Variants in C1orf105 observed in about 807,000 individuals in gnomAD.
C1orf105 encodes the protein uncharacterized protein C1orf105.
Under a neutral mutation model 20.8 loss-of-function variants are expected in C1orf105, and 17 were observed. The observed-to-expected ratio is 0.82, with a 90% confidence interval of 0.56 to 1.23. The LOEUF (loss-of-function observed/expected upper bound fraction) is 1.23. Ranked by LOEUF, C1orf105 falls within the 50% of genes most tolerant of loss-of-function variation. The pLI is 0.00. For synonymous variants in C1orf105, 72 were observed against 72.1 expected (o/e 1.00, Z 0.01); for missense variants, 219 against 213.5 (o/e 1.03, Z -0.16).
chr1:172,435,765 G>A (rs2072022553), intron 1 of C1orf105, among the ~76,000 whole-genome samples: 2 of 152,184 alleles, frequency 1.3e-5, no homozygotes. Flanking sequence ...CCAAGAGAAA[G>A]AAATAAAGGG....
intron 4 of C1orf105, among the ~76,000 whole-genome samples, chr1:172,459,900 T>C (rs1160187748): frequency 1.3e-5 from 2 of 152,178 alleles, no homozygotes; most frequent in African/African-American, 2.4e-5. Context: ...TGCTATAACA[T>C]GGATGAACCT....
At chr1:172,457,474 T>C (rs1307660655) in intron 4 of C1orf105, among the ~76,000 whole-genome samples, 1 of 152,256 alleles carries the variant, frequency 6.6e-6, no homozygotes, top group Non-Finnish European at 1.5e-5. Flanking sequence ...GAAATTTTTA[T>C]GTGGGATTTA....
chr1:172,442,378 G>A (rs200424952), intron 1 of C1orf105: 27 of 1,613,316 alleles, frequency 1.7e-5, no homozygotes, highest in Non-Finnish European at 8.5e-6. Flanking sequence ...AAGCCAATGG[G>A]GGGCCAGAAG....
chr1:172,430,821 A>G (rs991291921), intron 1 of C1orf105, among the ~76,000 whole-genome samples: 2 of 152,102 alleles, frequency 1.3e-5, no homozygotes, highest in African/African-American at 2.4e-5. Flanking sequence ...TTCCAATTGC[A>G]TGTGCTCACT....
intron 3 of C1orf105, chr1:172,452,899 T>C (rs1164384028): frequency 2.7e-6 from 4 of 1,488,550 alleles, no homozygotes; most frequent in South Asian, 1.4e-5. Flanking sequence ...ATGTGGACAA[T>C]TCCCTCTCCA....
chr1:172,431,839 G>A (rs1261670558), intron 1 of C1orf105, among the ~76,000 whole-genome samples: 2 of 152,250 alleles, frequency 1.3e-5, no homozygotes, highest in Non-Finnish European at 2.9e-5. Context: ...TCCTAGCCAA[G>A]GGAAGCCGTG....
chr1:172,448,473 C>A lies in C1orf105; in HGVS notation c.140C>A (p.Ser47Ter), dbSNP rs1449674569. The A allele has an allele frequency of 1.5e-5, 24 of 1,613,382 alleles. No homozygotes were observed. Among genetic ancestry groups the A allele is most frequent in the Non-Finnish European group, 2.0e-5 (23 of 1,179,312 alleles). ...CATACCTCTGCGACTTTTCTGACTT[C>A]ATCCAAGAAGAATATGAATTTGCCA... ...YPHTSATFLT[S>*]SKKNMNLPIL... is the part of the protein sequence containing the mutation. Residue 47 changes from serine to a stop codon, truncating the protein, a stop_gained, in exon 3 of 7, where the codon TCA becomes TAA. Coordinates refer to ENST00000367727, the MANE Select transcript of C1orf105 (RefSeq NM_139240.4). LOFTEE classifies it high-confidence loss of function.
At chr1:172,442,180 G>C in intron 1 of C1orf105, 1 of 1,613,822 alleles carries the variant, frequency 6.2e-7, no homozygotes. Context: ...GGCATAGATG[G>C]TGTCAGTGCT....
intron 1 of C1orf105, chr1:172,431,163 A>G (rs2071863237): frequency 2.1e-6 from 1 of 474,598 alleles, no homozygotes; most frequent in African/African-American, 2.0e-5. Flanking sequence ...TTTAAATCAA[A>G]AGTAGAAATG....
chr1:172,442,169 T>A, intron 1 of C1orf105: 1 of 1,613,902 alleles, frequency 6.2e-7, no homozygotes, highest in Non-Finnish European at 8.5e-7. Context: ...AAGACTGACA[T>A]GGCATAGATG....
At chr1:172,452,774 C>G in intron 3 of C1orf105, 1 of 1,329,342 alleles carries the variant, frequency 7.5e-7, no homozygotes, top group Non-Finnish European at 9.7e-7. Context: ...CTGTCACTCT[C>G]CTGTCACAAC....
At chr1:172,467,599 G>A (rs890083414) in intron 6 of C1orf105, among the ~76,000 whole-genome samples, 3 of 152,158 alleles carry the variant, frequency 2.0e-5, no homozygotes, top group Non-Finnish European at 4.4e-5. Context: ...CTGGGTTCTG[G>A]TTCTTAGTCC....
At chr1:172,447,056 T>C (rs1463086274) in intron 2 of C1orf105, among the ~76,000 whole-genome samples, 1 of 152,118 alleles carries the variant, frequency 6.6e-6, no homozygotes, top group African/African-American at 2.4e-5. Flanking sequence ...TGAAAAGTCT[T>C]TTGAAAGGAT....
At chr1:172,422,348 T>C (rs2071613509) in intron 1 of C1orf105, among the ~76,000 whole-genome samples, 1 of 152,198 alleles carries the variant, frequency 6.6e-6, no homozygotes, top group Non-Finnish European at 1.5e-5. Context: ...TTGCAGGCCC[T>C]AGCTCTTGGA....
At chr1:172,449,037 AAG>A (rs1424641980) in intron 3 of C1orf105, among the ~76,000 whole-genome samples, 3 of 152,138 alleles carry the variant, frequency 2.0e-5, no homozygotes, top group African/African-American at 4.8e-5. Context: ...GAGGTGGAGA[AAG>A]AGAGAAAATA....
chr1:172,468,609 T>A lies in C1orf105; in HGVS notation c.*15T>A, dbSNP rs1274034671. On this transcript the variant is annotated 3_prime_UTR_variant, in exon 7 of 7. Coordinates refer to ENST00000367727, the MANE Select transcript of C1orf105 (RefSeq NM_139240.4). ...CGAGGCAGTGAGCGGTAGGAGCTCA[T>A]CACCTCCCAGACTCCCAGAGAGAAA... 14 of 1,610,626 alleles carry A rather than the reference T, an allele frequency of 8.7e-6. No homozygotes were observed. The highest frequency in any genetic ancestry group is 1.2e-5 in the Non-Finnish European group (14 of 1,177,822).
intron 4 of C1orf105, among the ~76,000 whole-genome samples, chr1:172,457,066 G>A (rs899748338): frequency 6.6e-6 from 1 of 152,110 alleles, no homozygotes; most frequent in African/African-American, 2.4e-5. Flanking sequence ...AGATGTGGAG[G>A]GAACAAAGAC....
intron 1 of C1orf105, among the ~76,000 whole-genome samples, chr1:172,426,020 A>C (rs1001517406): frequency 2.0e-5 from 3 of 152,100 alleles, no homozygotes; most frequent in African/African-American, 7.2e-5. Flanking sequence ...ATTTCCATGC[A>C]GTTCTGTATG....
chr1:172,441,403 C>G (rs1647293715), intron 1 of C1orf105: 1 of 212,430 alleles, frequency 4.7e-6, no homozygotes, highest in Non-Finnish European at 9.3e-6. Context: ...TTACTTCACT[C>G]TTCATGCCCC....
Sources: allele counts gnomAD v4.1 joint callset (sites outside exome capture counted in the v4.1 genomes callset), GRCh38; gene constraint gnomAD v4.1.1; transcripts MANE v1.5; gene names NCBI Gene and HGNC (gene_info 2026-07-23, HGNC 2026-07-21).